Variants in SERINC5 observed in about 807,000 individuals in gnomAD.
SERINC5 encodes chromosome 5 open reading frame 12.
Under a neutral mutation model 63.1 loss-of-function variants are expected in SERINC5, and 41 were observed. That is an observed-to-expected ratio of 0.65 (90% CI 0.51 to 0.84). The LOEUF is 0.84. SERINC5 is among the 40% of genes least tolerant of loss of function. The pLI, the probability that SERINC5 is intolerant of heterozygous loss-of-function variation, is 0.00. For missense variants in SERINC5, 523 were observed against 573.0 expected (o/e 0.91, Z 0.89); for synonymous variants, 222 against 215.2 (o/e 1.03, Z -0.28).
At chr5:80,195,798 C>G (rs1749462907) in intron 2 of SERINC5, among the ~76,000 whole-genome samples, 1 of 152,138 alleles carries the variant, frequency 6.6e-6, no homozygotes, top group Admixed American at 6.6e-5. Context: ...CTTTGGAAAT[C>G]CAAGTTGTTT....
At chr5:80,240,456 C>CA (rs568271426) in intron 1 of SERINC5, among the ~76,000 whole-genome samples, 164 of 152,228 alleles carry the variant, frequency 1.1e-3, no homozygotes, top group African/African-American at 3.3e-3. Context: ...GTGTCACTGA[C>CA]AAAGTTTTAG....
Position 80,194,300 on chromosome 5 carries a change from C to G in SERINC5, c.195+8586G>C, listed in dbSNP as rs192241660. Among the ~76,000 whole-genome samples the G allele has an allele frequency of 4.6e-5, 7 of 150,984 alleles. No individual in the cohort carries two copies. In the East Asian group the frequency reaches 1.3e-3, roughly 29 times the overall value. ...TACTTGAGGCTTCAATGTGCCTATG[C>G]CAGCCCCTGATGCAGGTCTCAGGTA... On this transcript the variant is annotated intron_variant, in intron 2 of 11. Coordinates refer to ENST00000507668, the MANE Select transcript of SERINC5 (RefSeq NM_001174072.3).
At chr5:80,225,597 T>C (rs1184132038) in intron 1 of SERINC5, among the ~76,000 whole-genome samples, 1 of 152,196 alleles carries the variant, frequency 6.6e-6, no homozygotes, top group Non-Finnish European at 1.5e-5. Flanking sequence ...ATGAGTGCAA[T>C]GAGCAGCAAA....
chr5:80,156,484 C>T (rs1017064256), intron 8 of SERINC5, among the ~76,000 whole-genome samples: 1 of 152,102 alleles, frequency 6.6e-6, no homozygotes, highest in Non-Finnish European at 1.5e-5. Flanking sequence ...GAACTAACTC[C>T]TAGGGGGCCC....
chr5:80,240,260 T>C (rs910677066), intron 1 of SERINC5, among the ~76,000 whole-genome samples: 7 of 152,298 alleles, frequency 4.6e-5, no homozygotes, highest in African/African-American at 1.4e-4. Context: ...TTCCATCCAA[T>C]TCCAGATAAC....
intron 8 of SERINC5, among the ~76,000 whole-genome samples, chr5:80,151,421 G>A (rs77438527): frequency 0.021 from 3,184 of 152,312 alleles, 118 homozygotes; most frequent in African/African-American, 0.072. Context: ...CTGTTTGGAA[G>A]AGTAGCAGTC....
intron 2 of SERINC5, among the ~76,000 whole-genome samples, chr5:80,183,427 A>G (rs1375649052): frequency 1.3e-5 from 2 of 152,096 alleles, no homozygotes; most frequent in Non-Finnish European, 2.9e-5. Flanking sequence ...TAGAACAGCA[A>G]TTGGGGCTGG....
intron 6 of SERINC5, chr5:80,167,011 A>G (rs1356567729): frequency 2.0e-5 from 3 of 152,874 alleles, no homozygotes; most frequent in Admixed American, 2.0e-4. Flanking sequence ...GCTCTTGGCT[A>G]AAGAGGAAGG....
chr5:80,127,845 A>T (rs1282516163), intron 11 of SERINC5, among the ~76,000 whole-genome samples: 1 of 152,168 alleles, frequency 6.6e-6, no homozygotes. Context: ...TCTAATTTTA[A>T]TTGATTTCTC....
intron 1 of SERINC5, among the ~76,000 whole-genome samples, chr5:80,209,858 G>A (rs1241049252): frequency 6.6e-6 from 1 of 151,984 alleles, no homozygotes; most frequent in Non-Finnish European, 1.5e-5. Context: ...GCCCAGCCGG[G>A]GTAACATGGC....
chr5:80,240,565 T>C (rs776284289), intron 1 of SERINC5, among the ~76,000 whole-genome samples: 4 of 152,238 alleles, frequency 2.6e-5, no homozygotes, highest in African/African-American at 2.4e-5. Flanking sequence ...TGTCATGTTG[T>C]ATTGTAGCAG....
chr5:80,166,037 C>T (rs1382877808), intron 7 of SERINC5, among the ~76,000 whole-genome samples: 3 of 152,124 alleles, frequency 2.0e-5, no homozygotes, highest in Non-Finnish European at 2.9e-5. Context: ...AGGTGTGAAA[C>T]ATGTAACAAT....
intron 7 of SERINC5, among the ~76,000 whole-genome samples, chr5:80,164,617 C>T (rs1251341328): frequency 8.6e-5 from 13 of 151,976 alleles, no homozygotes; most frequent in Non-Finnish European, 1.0e-4. Context: ...CTCCTGGGCT[C>T]CTGCAATCTG....
intron 1 of SERINC5, among the ~76,000 whole-genome samples, chr5:80,249,794 ACT>A (rs1009597481): frequency 3.3e-5 from 5 of 152,012 alleles, no homozygotes; most frequent in South Asian, 4.2e-4. Flanking sequence ...AAGAGCGAAA[ACT>A]CTGTCTCAAA....
intron 9 of SERINC5, among the ~76,000 whole-genome samples, chr5:80,147,808 G>A (rs181222742): frequency 6.0e-4 from 91 of 152,288 alleles, no homozygotes; most frequent in Non-Finnish European, 8.8e-5. Flanking sequence ...CTCTCCTGGT[G>A]CTCCCTTCTC....
At chr5:80,164,910 G>GTTTT (rs70982026) in intron 7 of SERINC5, among the ~76,000 whole-genome samples, 2,453 of 85,158 alleles carry the variant, frequency 0.029, 301 homozygotes, top group African/African-American at 0.079. Context: ...CTTTTTTTCT[G>GTTTT]TTTTTTTTTT....
chr5:80,175,903 C>T lies in SERINC5; in HGVS notation c.458-856G>A, dbSNP rs551460647. On this transcript the variant is annotated intron_variant, in intron 4 of 11. Transcript: ENST00000507668. ...AAAAAAAAGGACTGAGCTTGGCCGG[C>T]CGCAGTGGCTCACACCTGTAAATCC... Among the ~76,000 whole-genome samples the T allele has an allele frequency of 1.7e-4, 26 of 148,642 alleles. No homozygotes were observed. In the East Asian group the frequency reaches 5.2e-3, roughly 30 times the overall value.
chr5:80,184,112 CGAG>C (rs1276688200), intron 2 of SERINC5, among the ~76,000 whole-genome samples: 1 of 152,058 alleles, frequency 6.6e-6, no homozygotes, highest in African/African-American at 2.4e-5. Flanking sequence ...GTGCCAGTAA[CGAG>C]GAGGTAATAT....
At position 80,231,932 on chromosome 5, in the gene SERINC5, C is replaced by T. The variant is rs562825939; in HGVS notation, c.27+23964G>A. On this transcript the variant is annotated intron_variant, in intron 1 of 11. Transcript: ENST00000507668. ...CCTGGGCAACATAGTGAGATCCCAT[C>T]TCTATAAAATACCAAAAAAGTTAGC... Among the ~76,000 whole-genome samples the T allele has an allele frequency of 5.3e-5, 8 of 151,914 alleles. No homozygotes were observed. In the South Asian group the frequency reaches 1.7e-3, roughly 32 times the overall value.
Sources: allele counts gnomAD v4.1 joint callset (sites outside exome capture counted in the v4.1 genomes callset), GRCh38; gene constraint gnomAD v4.1.1; transcripts MANE v1.5; gene names NCBI Gene and HGNC (gene_info 2026-07-23, HGNC 2026-07-21).